Variants in TBC1D30 observed in about 807,000 individuals in gnomAD.
The protein encoded by TBC1D30 is TBC1 domain family, member 30.
In TBC1D30, 31 loss-of-function variants were observed where a neutral mutation model predicts 63.2. The ratio of observed to expected loss-of-function variants is 0.49; its 90% CI spans 0.37 to 0.66. The LOEUF is 0.66. Ranked by LOEUF, TBC1D30 falls within the 30% of genes least tolerant of loss-of-function variation. The pLI is 0.00. For synonymous variants in TBC1D30, 307 were observed against 361.5 expected (o/e 0.85, Z 1.71); for missense variants, 810 against 953.6 (o/e 0.85, Z 1.98).
chr12:64,820,468 A>G (rs11175566), upstream of TBC1D30, among the ~76,000 whole-genome samples: 3,260 of 152,198 alleles, frequency 0.021, 57 homozygotes, highest in Middle Eastern at 0.058. Flanking sequence ...CAAAGCCTTC[A>G]TTTTCTTTAG....
At chr12:64,788,962 A>G (rs537957996) in intron 2 of TBC1D30, among the ~76,000 whole-genome samples, 1 of 152,320 alleles carries the variant, frequency 6.6e-6, no homozygotes, top group East Asian at 1.9e-4. Flanking sequence ...CCCTGATTCC[A>G]GTAGTTGCAT....
Position 64,874,028 on chromosome 12 carries a change from G to T in TBC1D30, c.1499-973G>T, listed in dbSNP as rs532707297. ...ATGCTGCATTGGAAATAGGAGTCTG[G>T]TCATAGCCGCAGGTGGTCAATGATA... On this transcript the variant is annotated intron_variant, in intron 11 of 11. Transcript: ENST00000539867. 1.2e-4 allele frequency among the ~76,000 whole-genome samples: 18 copies of T among 152,302 alleles called. No individual in the cohort carries two copies. In the East Asian group the frequency reaches 3.3e-3, roughly 28 times the overall value.
At chr12:64,826,008 C>T (rs972394093) in intron 1 of TBC1D30, among the ~76,000 whole-genome samples, 9 of 152,174 alleles carry the variant, frequency 5.9e-5, no homozygotes, top group Admixed American at 1.3e-4. Context: ...CTTTGTTGTT[C>T]TCCCCTAGGA....
At chr12:64,771,132 CCTG>C in intron 1 of TBC1D30, among the ~76,000 whole-genome samples, 1 of 151,944 alleles carries the variant, frequency 6.6e-6, no homozygotes, top group African/African-American at 2.4e-5. Flanking sequence ...TGAAGCCCAT[CCTG>C]GTAGCAGGTC....
At chr12:64,759,545 G>A (rs1030317881) in exon 1 of TBC1D30, 4 of 399,096 alleles carry the variant, frequency 1.0e-5, no homozygotes, top group Non-Finnish European at 1.7e-5. Context: ...GAAAAGGGGC[G>A]GAGAACCGGA....
rs1874150907 is a variant in TBC1D30 at position 64,824,808 on chromosome 12, C to T, written c.-72C>T. 6.7e-7 allele frequency: 1 copy of T among 1,488,416 alleles called. No individual in the cohort carries two copies. The highest frequency in any genetic ancestry group is 1.4e-5 in the African/African-American group (1 of 71,946). 92.2% of individuals were successfully genotyped at this position (1,488,416 alleles called of 1,614,324 possible). On this transcript the variant is annotated 5_prime_UTR_variant, in exon 1 of 12. Transcript: ENST00000539867. ...AGACACTCACCCAGCTCCGCGAGCT[C>T]AGCCGCTCAGCGAGTGGGGTAGCGG...
intron 7 of TBC1D30, among the ~76,000 whole-genome samples, chr12:64,842,687 A>C (rs2136401389): frequency 6.6e-6 from 1 of 152,328 alleles, no homozygotes; most frequent in African/African-American, 2.4e-5. Flanking sequence ...TATATTAATG[A>C]TATCACTGTT....
At chr12:64,798,558 A>C (rs878987966) in intron 2 of TBC1D30, among the ~76,000 whole-genome samples, 2 of 152,222 alleles carry the variant, frequency 1.3e-5, no homozygotes, top group African/African-American at 4.8e-5. Flanking sequence ...TCTCAAGACA[A>C]GGACTCGTTT....
At chr12:64,773,418 T>A (rs1322323305) in intron 1 of TBC1D30, among the ~76,000 whole-genome samples, 1 of 152,132 alleles carries the variant, frequency 6.6e-6, no homozygotes, top group Non-Finnish European at 1.5e-5. Context: ...CCTCTAGGTG[T>A]TGAAGAGCCC....
At position 64,819,470 on chromosome 12, in the gene TBC1D30, G is replaced by A. The variant is rs184420683; in HGVS notation, c.644-8365G>A. Among the ~76,000 whole-genome samples the A allele has an allele frequency of 4.2e-3, 569 of 135,522 alleles. 3 individuals carry two copies. The highest frequency in any genetic ancestry group is 0.015 in the African/African-American group (540 of 36,290). 88.9% of individuals were successfully genotyped at this position (135,522 alleles called of 152,430 possible). A position where few individuals can be genotyped will look rare whatever the true frequency, so the allele number is the denominator to read the frequency against. ...TCGCTCTGTCACCCAGGCTGCCAGT[G>A]CAGTGGCATGATCTCGGCTCACTGC... On this transcript the variant is annotated intron_variant, in intron 2 of 12. Transcript: ENST00000542120.
intron 1 of TBC1D30, among the ~76,000 whole-genome samples, chr12:64,784,444 T>G (rs1285817972): frequency 6.6e-6 from 1 of 151,988 alleles, no homozygotes; most frequent in Non-Finnish European, 1.5e-5. Context: ...TTTTGAGCAT[T>G]TATTTTCTTC....
chr12:64,828,349 C>T (rs1013163801), intron 2 of TBC1D30, 95 bp from the exon 3 acceptor site: 6 of 899,916 alleles, frequency 6.7e-6, no homozygotes, highest in Non-Finnish European at 1.0e-5. Flanking sequence ...GTGCAAATTT[C>T]AGCACATTCT....
At chr12:64,833,926 T>A (rs1474342889) in intron 5 of TBC1D30, among the ~76,000 whole-genome samples, 1 of 151,994 alleles carries the variant, frequency 6.6e-6, no homozygotes, top group South Asian at 2.1e-4. Flanking sequence ...TCTAGAGCAA[T>A]TGGAATAAGT....
chr12:64,824,902 G>C lies in TBC1D30; in HGVS notation c.23G>C (p.Gly8Ala). 6.5e-7 allele frequency: 1 copy of C among 1,534,220 alleles called. No individual in the cohort carries two copies. The highest frequency in any genetic ancestry group is 8.7e-7 in the Non-Finnish European group (1 of 1,146,524). MRQDKLT[G>A]SLRRGGRCLK... The stretch of plus-strand genomic sequence containing the variant: ...CGGATGCGGCAGGACAAGCTGACCG[G>C]GTCTCTGAGGCGCGGGGGGAGATGC... Residue 8 changes from glycine (G) to alanine (A), a missense_variant, in exon 1 of 12, where the codon GGG (glycine) becomes GCG (alanine). Around this residue, in one of 4 missense-constraint regions of TBC1D30, gnomAD observed 272 missense variants for 335.9 expected, o/e 0.81. Transcript: ENST00000539867.
chr12:64,859,814 T>A (rs1025780906), intron 8 of TBC1D30, among the ~76,000 whole-genome samples: 5 of 152,080 alleles, frequency 3.3e-5, no homozygotes, highest in African/African-American at 1.2e-4. Flanking sequence ...TGGTCATAGC[T>A]CTGCTCCCAT....
upstream of TBC1D30, among the ~76,000 whole-genome samples, chr12:64,776,151 A>C (rs1871072626): frequency 6.6e-6 from 1 of 152,218 alleles, no homozygotes; most frequent in Admixed American, 6.5e-5. Context: ...AATTTATAGC[A>C]CTAAACACCC....
chr12:64,817,066 A>C (rs1282209215), intron 2 of TBC1D30, among the ~76,000 whole-genome samples: 1 of 152,166 alleles, frequency 6.6e-6, no homozygotes, highest in Non-Finnish European at 1.5e-5. Context: ...AGTCCTTTGG[A>C]GCAAACACAA....
intron 2 of TBC1D30, among the ~76,000 whole-genome samples, chr12:64,788,192 G>GGC (rs113412056): frequency 6.9e-6 from 1 of 145,146 alleles, no homozygotes; most frequent in Admixed American, 6.9e-5. Flanking sequence ...GGTGTGTAGG[G>GGC]GTGTGTGTGT....
intron 8 of TBC1D30, among the ~76,000 whole-genome samples, chr12:64,848,213 T>C (rs796238737): frequency 4.6e-5 from 7 of 152,220 alleles, no homozygotes; most frequent in African/African-American, 1.7e-4. Context: ...CTGCTCCTTT[T>C]TTGCTTTCCA....
Sources: allele counts gnomAD v4.1 joint callset (sites outside exome capture counted in the v4.1 genomes callset), GRCh38; gene constraint gnomAD v4.1.1; regional missense constraint gnomAD v4.1.1; transcripts MANE v1.5; gene names NCBI Gene and HGNC (gene_info 2026-07-23, HGNC 2026-07-21).